The following ATP6V0A1 variants were observed in gnomAD, a reference collection of about 807,000 sequenced individuals.
ATP6V0A1 encodes the protein ATPase H+ transporting V0 subunit a1.
ATP6V0A1 carries 43 observed loss-of-function variants against 105.4 expected under a neutral mutation model. The observed-to-expected ratio is 0.41, with a 90% confidence interval of 0.32 to 0.53. The LOEUF (loss-of-function observed/expected upper bound fraction) is 0.53. Among genes scored for constraint, ATP6V0A1 ranks in the 20% least tolerant of loss-of-function variants. The pLI, the probability that ATP6V0A1 is intolerant of heterozygous loss-of-function variation, is 0.30. For missense variants in ATP6V0A1, 676 were observed against 1,051.1 expected (o/e 0.64, Z 4.93); for synonymous variants, 362 against 372.8 (o/e 0.97, Z 0.33).
intron 11 of ATP6V0A1, among the ~76,000 whole-genome samples, chr17:42,491,430 C>T (rs1252051443): frequency 4.6e-5 from 7 of 152,286 alleles, no homozygotes; most frequent in African/African-American, 1.7e-4. Flanking sequence ...TCTGCCTCAG[C>T]CTCCCGAATA....
intron 3 of ATP6V0A1, 91 bp downstream of exon 3, chr17:42,466,598 G>A: frequency 2.7e-6 from 3 of 1,131,590 alleles, no homozygotes; most frequent in Non-Finnish European, 3.8e-6. Flanking sequence ...GGAAGAAAAT[G>A]TTATAAGAGA....
Position 42,491,778 on chromosome 17 carries a change from C to T in ATP6V0A1, c.1174+1141C>T, listed in dbSNP as rs1017938537. Among the ~76,000 whole-genome samples the T allele has an allele frequency of 5.3e-5, 8 of 152,140 alleles. No homozygotes were observed. The South Asian group carries it at 6.2e-4, about 12-fold the overall frequency. ...GATTACAGACGTGAGCCACTGCGCC[C>T]GGCCATTTTTTTGTATTTTTAGTAG... On this transcript the variant is annotated intron_variant, in intron 11 of 21. Coordinates refer to ENST00000343619, the MANE Select transcript of ATP6V0A1 (RefSeq NM_001130021.3).
At chr17:42,486,654 C>T (rs555010565) in intron 9 of ATP6V0A1, among the ~76,000 whole-genome samples, 1 of 152,296 alleles carries the variant, frequency 6.6e-6, no homozygotes, top group Admixed American at 6.5e-5. Context: ...CACAGGTGCT[C>T]CTGATCCCAT....
chr17:42,462,773 T>A (rs1003842985), intron 2 of ATP6V0A1, among the ~76,000 whole-genome samples: 2 of 151,746 alleles, frequency 1.3e-5, no homozygotes, highest in South Asian at 4.2e-4. Flanking sequence ...ATAATAAAAT[T>A]TATAACATTA....
At chr17:42,514,601 A>G in intron 21 of ATP6V0A1, 141 bp downstream of exon 21, 3 of 843,384 alleles carry the variant, frequency 3.6e-6, no homozygotes, top group South Asian at 4.6e-5. Context: ...ACCTCAGGAC[A>G]CCCCAGCACC....
chr17:42,484,768 A>G (rs1339980176), intron 9 of ATP6V0A1, among the ~76,000 whole-genome samples: 1 of 152,142 alleles, frequency 6.6e-6, no homozygotes, highest in Non-Finnish European at 1.5e-5. Flanking sequence ...CTTAATCCCA[A>G]AGGCAGTTCC....
intron 20 of ATP6V0A1, 90 bp downstream of exon 20, chr17:42,514,068 A>T: frequency 7.0e-7 from 1 of 1,427,854 alleles, no homozygotes; most frequent in East Asian, 2.3e-5. Flanking sequence ...TGGAAATTAC[A>T]TGAAGGTTCT....
At chr17:42,512,389 T>G (rs912696785) in intron 19 of ATP6V0A1, among the ~76,000 whole-genome samples, 2 of 151,704 alleles carry the variant, frequency 1.3e-5, no homozygotes, top group Non-Finnish European at 2.9e-5. Flanking sequence ...CCCATAGGAG[T>G]AGAGATCAGC....
At chr17:42,514,129 T>C in intron 20 of ATP6V0A1, 151 bp downstream of exon 20, 1 of 1,247,088 alleles carries the variant, frequency 8.0e-7, no homozygotes, top group Admixed American at 2.1e-5. Context: ...GACAGGAGGC[T>C]CAGCACTTGT....
intron 3 of ATP6V0A1, among the ~76,000 whole-genome samples, chr17:42,467,802 G>A (rs112142362): frequency 0.02 from 3,032 of 152,208 alleles, 55 homozygotes; most frequent in Non-Finnish European, 0.03. Flanking sequence ...TAACTTTAGA[G>A]AATGTGAGGA....
intron 2 of ATP6V0A1, among the ~76,000 whole-genome samples, chr17:42,463,024 G>GTTTT (rs2086621200): frequency 3.4e-5 from 1 of 29,152 alleles, no homozygotes; most frequent in African/African-American, 1.1e-4. Context: ...TTTTTTTTTG[G>GTTTT]AGACAGAATC....
chr17:42,517,722 C>T (rs1014863684), intron 21 of ATP6V0A1, among the ~76,000 whole-genome samples: 3 of 152,180 alleles, frequency 2.0e-5, no homozygotes, highest in African/African-American at 7.2e-5. Context: ...GAGCTGTGGC[C>T]CTCTTACCAG....
chr17:42,501,378 A>G lies in ATP6V0A1; in HGVS notation c.2004+74A>G, dbSNP rs192685688. On this transcript the variant is annotated intron_variant, in intron 17 of 21. Coordinates refer to ENST00000343619, the MANE Select transcript of ATP6V0A1 (RefSeq NM_001130021.3). Reference sequence around the variant, plus strand: ...AGATCAAGGCAATTCCCCAGTGGATATAATTAATTGTGCACAAATCTATAT... The same window carrying G: ...AGATCAAGGCAATTCCCCAGTGGATGTAATTAATTGTGCACAAATCTATAT... 194 of 1,077,398 alleles carry G rather than the reference A, an allele frequency of 1.8e-4. 1 individual carries two copies. The African/African-American group carries it at 1.9e-3, about 10-fold the overall frequency. 66.7% of individuals were successfully genotyped at this position (1,077,398 alleles called of 1,614,324 possible). A position where few individuals can be genotyped will look rare whatever the true frequency, so the allele number is the denominator to read the frequency against.
Position 42,521,290 on chromosome 17 carries a change from A to G in ATP6V0A1, c.*170A>G. On this transcript the variant is annotated 3_prime_UTR_variant, in exon 22 of 22. Coordinates refer to ENST00000343619, the MANE Select transcript of ATP6V0A1 (RefSeq NM_001130021.3). This position sits in a 1 kb window ranked among gnomAD's most constrained non-coding sequence, Gnocchi z 4.8. ...CCTCCTTGGGTCTCCCACCACCCCT[A>G]GCTTTGTGTGTAGTGTAGTGATTTT... 2.0e-6 allele frequency: 1 copy of G among 503,322 alleles called. No individual in the cohort carries two copies. 31.2% of individuals were successfully genotyped at this position (503,322 alleles called of 1,614,324 possible). A position where few individuals can be genotyped will look rare whatever the true frequency, so the allele number is the denominator to read the frequency against.
At chr17:42,462,683 G>A (rs145712831) in intron 2 of ATP6V0A1, among the ~76,000 whole-genome samples, 5 of 152,194 alleles carry the variant, frequency 3.3e-5, no homozygotes, top group African/African-American at 1.2e-4. Context: ...GCCTCCCAAA[G>A]TGCTGGGATT....
chr17:42,501,030 C>T, intron 16 of ATP6V0A1, 107 bp downstream of exon 16: 1 of 1,285,148 alleles, frequency 7.8e-7, no homozygotes, highest in Non-Finnish European at 1.1e-6. Context: ...TGGGACAATT[C>T]TAGGGCTTTG....
chr17:42,460,384 T>C (rs1174883032), intron 1 of ATP6V0A1: 2 of 153,444 alleles, frequency 1.3e-5, no homozygotes, highest in African/African-American at 4.8e-5. Flanking sequence ...GAAATGCGCA[T>C]TGTCAGTAGA....
intron 5 of ATP6V0A1, among the ~76,000 whole-genome samples, chr17:42,476,770 A>G (rs983804044): frequency 6.6e-5 from 10 of 151,972 alleles, no homozygotes; most frequent in Admixed American, 3.9e-4. Context: ...TACCAATTAA[A>G]CCAGCCCATG....
At chr17:42,519,402 C>T (rs2092749637) in intron 21 of ATP6V0A1, 1 of 152,214 alleles carries the variant, frequency 6.6e-6, no homozygotes, top group South Asian at 2.1e-4. Flanking sequence ...ACATTCACTC[C>T]TAGGTAATGG....
Sources: allele counts gnomAD v4.1 joint callset (sites outside exome capture counted in the v4.1 genomes callset), GRCh38; gene constraint gnomAD v4.1.1; non-coding constraint Gnocchi (gnomAD v3.1); transcripts MANE v1.5; gene names NCBI Gene and HGNC (gene_info 2026-07-23, HGNC 2026-07-21).